Variants in GNAL observed in about 807,000 individuals in gnomAD.
GNAL encodes guanine nucleotide-binding protein G(olf) subunit alpha.
GNAL carries 18 observed loss-of-function variants against 55.1 expected under a neutral mutation model. The ratio of observed to expected loss-of-function variants is 0.33; its 90% CI spans 0.23 to 0.48. GNAL has a LOEUF of 0.48. Ranked by LOEUF, GNAL falls within the 20% of genes least tolerant of loss-of-function variation. GNAL has a pLI of 0.99. For missense variants in GNAL, 412 were observed against 614.1 expected, an observed-to-expected ratio of 0.67 and a Z score of 3.48; for synonymous variants, 253 against 237.0, an observed-to-expected ratio of 1.07 and a Z score of -0.62.
intron 5 of GNAL, among the ~76,000 whole-genome samples, chr18:11,848,113 A>G (rs2035778059): frequency 6.6e-6 from 1 of 152,196 alleles, no homozygotes; most frequent in South Asian, 2.1e-4. Context: ...AGCGCCCAGC[A>G]CCAAGGAGAC....
intron 1 of GNAL, among the ~76,000 whole-genome samples, chr18:11,696,222 G>A (rs1567988495): frequency 6.6e-6 from 1 of 152,010 alleles, no homozygotes; most frequent in African/African-American, 2.4e-5. Flanking sequence ...ACACATCCTG[G>A]CCGAGCGCGG....
chr18:11,706,936 G>C (rs905215773), intron 1 of GNAL, among the ~76,000 whole-genome samples: 3 of 152,160 alleles, frequency 2.0e-5, no homozygotes, highest in Non-Finnish European at 4.4e-5. Context: ...TGTTCATGTT[G>C]CTATTTTGAC....
chr18:11,820,380 T>G (rs2143623147), intron 4 of GNAL, among the ~76,000 whole-genome samples: 1 of 152,348 alleles, frequency 6.6e-6, no homozygotes. Flanking sequence ...ACTGGCTGGC[T>G]AAATATTTAA....
chr18:11,776,200 A>G (rs189913903), intron 4 of GNAL, among the ~76,000 whole-genome samples: 102 of 152,324 alleles, frequency 6.7e-4, no homozygotes, highest in African/African-American at 2.4e-3. Context: ...TCAGTTGCCC[A>G]TGCTATTCTT....
chr18:11,805,973 A>T (rs1047821779), intron 4 of GNAL, among the ~76,000 whole-genome samples: 1 of 152,220 alleles, frequency 6.6e-6, no homozygotes, highest in Non-Finnish European at 1.5e-5. Flanking sequence ...AGAACAATGT[A>T]TAAGTGTCCC....
chr18:11,874,856 G>C (rs1288975540), intron 10 of GNAL, among the ~76,000 whole-genome samples: 1 of 144,428 alleles, frequency 6.9e-6, no homozygotes, highest in African/African-American at 2.7e-5. Flanking sequence ...AGCAGGTGCT[G>C]CGCCCTCCCC....
At chr18:11,804,927 C>T (rs1285122760) in intron 4 of GNAL, among the ~76,000 whole-genome samples, 8 of 146,446 alleles carry the variant, frequency 5.5e-5, no homozygotes, top group Admixed American at 2.7e-4. Context: ...TTGGGTGGAA[C>T]ACGGAGATAC....
intron 5 of GNAL, among the ~76,000 whole-genome samples, chr18:11,829,792 T>G (rs1473703142): frequency 6.6e-6 from 1 of 152,258 alleles, no homozygotes; most frequent in East Asian, 1.9e-4. Context: ...GGTAGATCAC[T>G]TGAGGTCAGG....
intron 4 of GNAL, among the ~76,000 whole-genome samples, chr18:11,765,492 C>T (rs1335505786): frequency 1.3e-5 from 2 of 152,098 alleles, no homozygotes; most frequent in African/African-American, 2.4e-5. Flanking sequence ...CCATGGTGCT[C>T]CTCAATACTG....
chr18:11,879,204 A>C (rs1393038357), intron 11 of GNAL, among the ~76,000 whole-genome samples: 3 of 151,954 alleles, frequency 2.0e-5, no homozygotes, highest in Admixed American at 2.0e-4. Context: ...CTATTGCTAA[A>C]ATAGGTCTAT....
intron 1 of GNAL, among the ~76,000 whole-genome samples, chr18:11,721,889 AAAATAAAT>A (rs145268603): frequency 0.19 from 27,395 of 145,748 alleles, 2,729 homozygotes; most frequent in East Asian, 0.26. Context: ...TCTGTCTCAA[AAAATAAAT>A]AAATAAATAA....
At chr18:11,737,658 C>A (rs2032487995) in intron 1 of GNAL, among the ~76,000 whole-genome samples, 1 of 152,250 alleles carries the variant, frequency 6.6e-6, no homozygotes, top group South Asian at 2.1e-4. Context: ...CATAGCAGTG[C>A]AGGTTTCCAT....
At position 11,752,335 on chromosome 18, in the gene GNAL, G is replaced by T. The variant is rs1331899378; in HGVS notation, c.377-518G>T. ...ACCAGACCATCTCTTTCAGCAGCAG[G>T]AAAGAGAGGAGCCGTCGCAGGAGCC... is the stretch of plus-strand genomic sequence containing the variant. On this transcript the variant is annotated intron_variant, in intron 1 of 11. Coordinates refer to ENST00000334049, the MANE Select transcript of GNAL (RefSeq NM_182978.4). The surrounding 1 kb of genome is among the most constrained non-coding windows in gnomAD (Gnocchi z 4.5). The T allele has an allele frequency of 6.7e-7, 1 of 1,487,588 alleles. No individual in the cohort carries two copies. The highest frequency in any genetic ancestry group is 2.5e-5 in the Admixed American group (1 of 40,282). The allele number at this position is 1,487,588 out of a possible 1,614,324, so 92.1% of individuals were successfully genotyped here.
At chr18:11,859,369 TG>T (rs2036079023) in intron 5 of GNAL, among the ~76,000 whole-genome samples, 2 of 152,184 alleles carry the variant, frequency 1.3e-5, no homozygotes, top group South Asian at 4.1e-4. Context: ...AAGGTCTTTT[TG>T]CTCCTTTGTT....
At chr18:11,878,034 A>G (rs1387737798) in intron 11 of GNAL, among the ~76,000 whole-genome samples, 1 of 152,230 alleles carries the variant, frequency 6.6e-6, no homozygotes, top group African/African-American at 2.4e-5. Flanking sequence ...GTAATAGCTC[A>G]AGGGATCCCT....
intron 4 of GNAL, among the ~76,000 whole-genome samples, chr18:11,771,494 C>T (rs2033634113): frequency 6.6e-6 from 1 of 152,056 alleles, no homozygotes; most frequent in South Asian, 2.1e-4. Context: ...GAATTGTGTA[C>T]ACCCACGGGA....
rs1224290711 is a variant in GNAL at position 11,689,797 on chromosome 18, C to G, written c.234C>G (p.Thr78=). 1.0e-5 allele frequency: 16 copies of G among 1,536,916 alleles called. No individual in the cohort carries two copies. Among genetic ancestry groups the G allele is most frequent in the East Asian group, 2.6e-5 (1 of 38,544 alleles). ...ADKPKEKRQR[T]EQLSAEEREA... is the part of the protein sequence containing the mutation. ...AGCCGAAGGAGAAGCGGCAGCGCAC[C>G]GAGCAGCTGAGTGCCGAGGAGCGCG... Residue 78 remains threonine (T), a synonymous_variant, in exon 1 of 12, where the codon ACC becomes ACG. Coordinates refer to ENST00000334049, the MANE Select transcript of GNAL (RefSeq NM_182978.4).
chr18:11,880,444 G>A (rs1416208997), intron 11 of GNAL, among the ~76,000 whole-genome samples: 2 of 151,094 alleles, frequency 1.3e-5, no homozygotes, highest in African/African-American at 2.4e-5. Flanking sequence ...GCACGGTGAT[G>A]GACGCCTGTA....
chr18:11,741,281 G>T (rs1307520018), intron 1 of GNAL, among the ~76,000 whole-genome samples: 1 of 152,184 alleles, frequency 6.6e-6, no homozygotes, highest in Admixed American at 6.5e-5. Context: ...ACAGACCCCT[G>T]TGAAAGCTAT....
Sources: allele counts gnomAD v4.1 joint callset (sites outside exome capture counted in the v4.1 genomes callset), GRCh38; gene constraint gnomAD v4.1.1; non-coding constraint Gnocchi (gnomAD v3.1); transcripts MANE v1.5; gene names NCBI Gene and HGNC (gene_info 2026-07-23, HGNC 2026-07-21).